The following LARGE1 variants were observed in gnomAD, a reference collection of about 807,000 sequenced individuals.
LARGE1 encodes the protein LARGE xylosyl- and glucuronyltransferase 1.
A neutral mutation model predicts 87.6 loss-of-function variants in LARGE1; 43 were observed. The observed-to-expected ratio is 0.49, with a 90% confidence interval of 0.38 to 0.63. LARGE1 has a LOEUF of 0.63. Among genes scored for constraint, LARGE1 ranks in the 30% least tolerant of loss-of-function variants. The probability of loss-of-function intolerance (pLI) is 0.00; values close to 1 mark genes in which losing one functional copy is unlikely to be tolerated. For missense variants in LARGE1, 802 were observed against 1,000.2 expected, an observed-to-expected ratio of 0.80 and a Z score of 2.67; for synonymous variants, 434 against 394.6, an observed-to-expected ratio of 1.10 and a Z score of -1.18.
intron 3 of LARGE1, among the ~76,000 whole-genome samples, chr22:33,640,045 C>T (rs1389236899): frequency 6.6e-6 from 1 of 152,194 alleles, no homozygotes; most frequent in African/African-American, 2.4e-5. Context: ...CCGCAACACC[C>T]ACAGATGGTG....
At chr22:33,801,093 G>A (rs1466518260) in intron 1 of LARGE1, among the ~76,000 whole-genome samples, 2 of 152,106 alleles carry the variant, frequency 1.3e-5, no homozygotes, top group African/African-American at 4.8e-5. Context: ...GTGTTTATCA[G>A]GGGTTTCCGC....
intron 6 of LARGE1, among the ~76,000 whole-genome samples, chr22:33,547,233 G>C (rs11913387): frequency 6.6e-6 from 1 of 151,368 alleles, no homozygotes; most frequent in Non-Finnish European, 1.5e-5. Flanking sequence ...TGGTGGGGGG[G>C]AGGGTAGGAT....
At chr22:33,652,726 A>G (rs2080856797) in intron 2 of LARGE1, among the ~76,000 whole-genome samples, 1 of 152,210 alleles carries the variant, frequency 6.6e-6, no homozygotes, top group South Asian at 2.1e-4. Flanking sequence ...GGATCAAAGA[A>G]TGTGATGAAT....
intron 1 of LARGE1, among the ~76,000 whole-genome samples, chr22:33,796,563 T>A (rs1250610207): frequency 6.6e-6 from 1 of 151,928 alleles, no homozygotes; most frequent in East Asian, 1.9e-4. Flanking sequence ...AAAAAATCAA[T>A]CAAAGAAGGA....
chr22:33,307,052 T>C (rs756168080), intron 11 of LARGE1, among the ~76,000 whole-genome samples: 1 of 152,106 alleles, frequency 6.6e-6, no homozygotes, highest in African/African-American at 2.4e-5. Context: ...TCTCCAATCT[T>C]TAGTCCCTTA....
At chr22:33,163,842 C>T (rs1304078844) in exon 12 of LARGE1, 1 of 152,186 alleles carries the variant, frequency 6.6e-6, no homozygotes, top group African/African-American at 2.4e-5. Context: ...AAATGAAACT[C>T]CCAATTGGCT....
intron 6 of LARGE1, among the ~76,000 whole-genome samples, chr22:33,440,595 T>C (rs1247898160): frequency 6.6e-6 from 1 of 152,216 alleles, no homozygotes; most frequent in Non-Finnish European, 1.5e-5. Context: ...AATAGCACCA[T>C]TCAATGTGTG....
At chr22:33,333,025 T>TTTTTTTTTTTTTTTTTA (rs1569065273) in intron 10 of LARGE1, among the ~76,000 whole-genome samples, 1 of 150,346 alleles carries the variant, frequency 6.7e-6, no homozygotes, top group Non-Finnish European at 1.5e-5. Context: ...TTTTTTTTTT[T>TTTTTTTTTTTTTTTTTA]GGACGGAGTC....
the LARGE1 span, among the ~76,000 whole-genome samples, chr22:33,149,561 C>T: frequency 2.0e-5 from 3 of 152,118 alleles, no homozygotes; most frequent in Non-Finnish European, 4.4e-5. Flanking sequence ...AACAAATTGC[C>T]ACAAACTTAG....
chr22:33,884,207 C>T (rs1355038091), intron 1 of LARGE1, among the ~76,000 whole-genome samples: 4 of 152,362 alleles, frequency 2.6e-5, no homozygotes, highest in Admixed American at 6.5e-5. Flanking sequence ...CGGTTGGCCT[C>T]GGTCAATGCC....
intron 1 of LARGE1, among the ~76,000 whole-genome samples, chr22:33,779,519 C>T (rs1470328378): frequency 6.6e-6 from 1 of 152,112 alleles, no homozygotes; most frequent in Non-Finnish European, 1.5e-5. Context: ...GTAGCTCATG[C>T]CTGTAATCTC....
chr22:33,817,626 C>T (rs2086693967), intron 1 of LARGE1, among the ~76,000 whole-genome samples: 1 of 152,058 alleles, frequency 6.6e-6, no homozygotes, highest in South Asian at 2.1e-4. Context: ...AAGTCTAGAG[C>T]ACAGAGCTGC....
the LARGE1 span, among the ~76,000 whole-genome samples, chr22:33,066,799 T>G: frequency 6.6e-6 from 1 of 152,178 alleles, no homozygotes; most frequent in Non-Finnish European, 1.5e-5. Context: ...TTTAAATTTG[T>G]ACCCTGTGTG....
At chr22:33,785,655 A>C (rs1018083622) in intron 1 of LARGE1, among the ~76,000 whole-genome samples, 6 of 152,236 alleles carry the variant, frequency 3.9e-5, no homozygotes, top group African/African-American at 9.6e-5. Flanking sequence ...GGGAAAAAAA[A>C]CATAATTTGT....
chr22:33,741,698 G>A (rs1382757980), intron 2 of LARGE1, among the ~76,000 whole-genome samples: 2 of 152,196 alleles, frequency 1.3e-5, no homozygotes, highest in Non-Finnish European at 1.5e-5. Context: ...TGAGGACCCC[G>A]TGAAAGCGAC....
chr22:33,681,756 G>C (rs2081779133), intron 2 of LARGE1, among the ~76,000 whole-genome samples: 1 of 152,172 alleles, frequency 6.6e-6, no homozygotes, highest in South Asian at 2.1e-4. Context: ...TTTTCTAAAA[G>C]TGTTTGCTAA....
chr22:33,766,129 G>A (rs991070456), intron 1 of LARGE1, among the ~76,000 whole-genome samples: 8 of 152,146 alleles, frequency 5.3e-5, no homozygotes, highest in Admixed American at 3.9e-4. Context: ...CAGGAGGTGG[G>A]CTGGAAATTA....
At chr22:33,905,501 A>C (rs1337031796) in intron 1 of LARGE1, among the ~76,000 whole-genome samples, 1 of 152,248 alleles carries the variant, frequency 6.6e-6, no homozygotes, top group Non-Finnish European at 1.5e-5. Context: ...ATTTTAAAAT[A>C]AAACTTTCAC....
At chr22:33,781,441 C>T (rs528054069) in intron 1 of LARGE1, among the ~76,000 whole-genome samples, 1 of 152,146 alleles carries the variant, frequency 6.6e-6, no homozygotes, top group Admixed American at 6.5e-5. Flanking sequence ...GTGGAGGTTG[C>T]AGTGAGCCAA....
Sources: gnomAD v4.1 joint callset for allele counts (sites outside exome capture counted in the v4.1 genomes callset) on GRCh38, gnomAD v4.1.1 for gene constraint, MANE v1.5 for transcripts, NCBI Gene and HGNC (gene_info 2026-07-23, HGNC 2026-07-21) for gene names.